The following LPP variants were observed in gnomAD, a reference collection of about 807,000 sequenced individuals.
LPP encodes the protein LIM domain containing preferred translocation partner in lipoma.
A neutral mutation model predicts 60.4 loss-of-function variants in LPP; 38 were observed. The observed-to-expected ratio is 0.63, with a 90% CI of 0.49 to 0.83. LPP has a LOEUF of 0.83. Ranked by LOEUF, LPP falls within the 40% of genes least tolerant of loss-of-function variation. The probability of loss-of-function intolerance (pLI) is 0.00; values close to 1 mark genes in which losing one functional copy is unlikely to be tolerated. For missense variants in LPP, 902 were observed against 783.6 expected (o/e 1.15, Z -1.80); for synonymous variants, 328 against 290.8 (o/e 1.13, Z -1.30).
At chr3:188,317,422 A>G (rs1755405694) in intron 2 of LPP, among the ~76,000 whole-genome samples, 1 of 152,154 alleles carries the variant, frequency 6.6e-6, no homozygotes, top group Non-Finnish European at 1.5e-5. Context: ...AGCAGTGCCA[A>G]AAATTTTCGT....
At chr3:188,554,024 C>T (rs1033504057) in intron 6 of LPP, 7 of 152,254 alleles carry the variant, frequency 4.6e-5, no homozygotes, top group African/African-American at 1.7e-4. Context: ...AAGGTCATCT[C>T]TATTGCTTAT....
In LPP at chr3:188,836,008, G is replaced by A. The variant is rs183679499; in HGVS notation, c.1411-30192G>A. 1.8e-4 allele frequency among the ~76,000 whole-genome samples: 27 copies of A among 152,304 alleles called. No homozygotes were observed. In the East Asian group the frequency reaches 5.2e-3, roughly 29 times the overall value. ...AGATCTTGTGAATACCTGTCAGCCA[G>A]GATTTAGAACAAATGCATTTGGGCA... On this transcript the variant is annotated intron_variant, in intron 9 of 11. Transcript: ENST00000617246.
In LPP at chr3:188,368,717, CACAGAGAG is replaced by C. The variant is rs778486649; in HGVS notation, c.-10+27000_-10+27007del. 7.8e-3 allele frequency among the ~76,000 whole-genome samples: 818 copies of C among 105,548 alleles called. 4 individuals carry two copies. The highest frequency in any genetic ancestry group is 9.7e-3 in the Non-Finnish European group (452 of 46,632). The allele number at this position is 105,548 out of a possible 152,430, so 69.2% of individuals were successfully genotyped here. On this transcript the variant is annotated intron_variant, in intron 3 of 11. Coordinates refer to ENST00000617246, the MANE Select transcript of LPP (RefSeq NM_001375462.1). ...ACACACACACACACACACACACACA[CACAGAGAG>C]AGAGAGAGAGAGAGAGAGAGAGAAC...
chr3:188,667,205 G>A (rs976203976), intron 7 of LPP, among the ~76,000 whole-genome samples: 9 of 152,140 alleles, frequency 5.9e-5, no homozygotes, highest in Non-Finnish European at 1.2e-4. Flanking sequence ...TTGGCTGGGC[G>A]CAATGGCTCA....
chr3:188,721,425 A>G (rs1158537424), intron 8 of LPP, among the ~76,000 whole-genome samples: 1 of 152,102 alleles, frequency 6.6e-6, no homozygotes, highest in Non-Finnish European at 1.5e-5. Flanking sequence ...ATAGTGATGC[A>G]CATCTGTGGT....
chr3:188,441,609 C>CTTTTCTTTTTTT (rs1793896698), intron 4 of LPP, among the ~76,000 whole-genome samples: 1 of 55,648 alleles, frequency 1.8e-5, no homozygotes. Context: ...CTTTTCTTTT[C>CTTTTCTTTTTTT]TTTTTTTTTT....
At chr3:188,203,404 TTATAAATATATATATAATATAAA>T (rs1731728626) in intron 1 of LPP, among the ~76,000 whole-genome samples, 1 of 59,094 alleles carries the variant, frequency 1.7e-5, no homozygotes. Context: ...ATATATATTT[TTATAAATATATATATAATATAAA>T]TATAAATATA....
At chr3:188,802,521 G>A (rs973995673) in intron 9 of LPP, among the ~76,000 whole-genome samples, 1 of 152,150 alleles carries the variant, frequency 6.6e-6, no homozygotes, top group Non-Finnish European at 1.5e-5. Flanking sequence ...GGTGGCTCAC[G>A]CCTGTAATCC....
rs6791096 is a variant in LPP at position 188,876,443 on chromosome 3, G to A, written c.*1964G>A. Reference sequence around the variant, plus strand: ...TACCCTAGTTCTCTTATCTTTGATCGTATATTTCTCATAATGTGAAATATG... The same window carrying A: ...TACCCTAGTTCTCTTATCTTTGATCATATATTTCTCATAATGTGAAATATG... On this transcript the variant is annotated 3_prime_UTR_variant, in exon 12 of 12. Coordinates refer to ENST00000617246, the MANE Select transcript of LPP (RefSeq NM_001375462.1). The A allele has an allele frequency of 6.1e-3, 1,176 of 194,138 alleles. 17 individuals are homozygous for A. The highest frequency in any genetic ancestry group is 0.026 in the African/African-American group (1,111 of 43,196). The allele number at this position is 194,138 out of a possible 1,614,324, so 12.0% of individuals were successfully genotyped here. A position where few individuals can be genotyped will look rare whatever the true frequency, so the allele number is the denominator to read the frequency against.
chr3:188,862,716 AAAATAAATAAATAAATAAATAAAAG>A lies in LPP; in HGVS notation c.1411-3480_1411-3456del, dbSNP rs1388386364. On this transcript the variant is annotated intron_variant, in intron 9 of 11. Transcript: ENST00000617246. Reference sequence around the variant, plus strand: ...AATGCTGGCAACCCTACTAGACAAAAAAATAAATAAATAAATAAATAAAAGAAAAAAGAAAAGAAAGAAAGAAAAA... The same window carrying A: ...AATGCTGGCAACCCTACTAGACAAAAAAAAAAGAAAAGAAAGAAAGAAAAA... Among the ~76,000 whole-genome samples the A allele has an allele frequency of 1.6e-4, 17 of 104,842 alleles. 1 individual carries two copies. The highest frequency in any genetic ancestry group is 1.1e-3 in the East Asian group (2 of 1,870). 68.8% of individuals were successfully genotyped at this position (104,842 alleles called of 152,430 possible).
At chr3:188,203,441 TTA>T (rs1344290838) in intron 1 of LPP, among the ~76,000 whole-genome samples, 27 of 88,126 alleles carry the variant, frequency 3.1e-4, no homozygotes, top group African/African-American at 1.3e-3. Context: ...AAATATATAT[TTA>T]TATAAATATA....
chr3:188,293,825 G>A (rs1746863326), intron 2 of LPP, among the ~76,000 whole-genome samples: 1 of 152,046 alleles, frequency 6.6e-6, no homozygotes, highest in South Asian at 2.1e-4. Flanking sequence ...AGCACTTTGG[G>A]AGACCGAGGT....
chr3:188,562,636 G>A (rs927875571), intron 6 of LPP, among the ~76,000 whole-genome samples: 2 of 151,878 alleles, frequency 1.3e-5, no homozygotes, highest in Admixed American at 6.6e-5. Context: ...GAAATGTAAC[G>A]TGCGGCACTT....
chr3:188,841,922 C>G (rs528314176), intron 9 of LPP, among the ~76,000 whole-genome samples: 1 of 152,110 alleles, frequency 6.6e-6, no homozygotes, highest in Non-Finnish European at 1.5e-5. Flanking sequence ...TGAAGTTACC[C>G]ACCAGCTTAA....
In LPP at chr3:188,889,452, A is replaced by C. The variant is rs572083495; in HGVS notation, c.*14973A>C. ...AACCAGCTGGCAGATTACACTTGCC[A>C]AGTCGTTCCCTTTCCTTCTAAGTCA... is the stretch of plus-strand genomic sequence containing the variant. On this transcript the variant is annotated 3_prime_UTR_variant, in exon 12 of 12. Coordinates refer to ENST00000617246, the MANE Select transcript of LPP (RefSeq NM_001375462.1). The C allele has an allele frequency of 4.3e-6, 1 of 231,584 alleles. No homozygotes were observed. Among genetic ancestry groups the C allele is most frequent in the Non-Finnish European group, 8.5e-6 (1 of 116,970 alleles). 14.3% of individuals were successfully genotyped at this position (231,584 alleles called of 1,614,324 possible). A position where few individuals can be genotyped will look rare whatever the true frequency, so the allele number is the denominator to read the frequency against.
intron 4 of LPP, among the ~76,000 whole-genome samples, chr3:188,459,709 T>C (rs1254661494): frequency 1.3e-5 from 2 of 152,196 alleles, no homozygotes; most frequent in Admixed American, 6.5e-5. Context: ...TGGGGACTCA[T>C]ACTCAGAGAA....
intron 2 of LPP, among the ~76,000 whole-genome samples, chr3:188,269,546 A>G (rs1452648910): frequency 6.6e-6 from 1 of 152,226 alleles, no homozygotes. Context: ...TAGCTTGTTA[A>G]AAGTTTGGAA....
Position 188,882,156 on chromosome 3 carries a change from T to C in LPP, c.*7677T>C, listed in dbSNP as rs1770107161. 1 of 212,328 alleles carries C rather than the reference T, an allele frequency of 4.7e-6. No individual in the cohort carries two copies. The allele number at this position is 212,328 out of a possible 1,614,324, so 13.2% of individuals were successfully genotyped here. On this transcript the variant is annotated 3_prime_UTR_variant, in exon 12 of 12. Coordinates refer to ENST00000617246, the MANE Select transcript of LPP (RefSeq NM_001375462.1). The stretch of plus-strand genomic sequence containing the variant: ...TTACTCAATAGGAAGGAATGTGACA[T>C]CAGGAAGAGTCATTCCAGTGACATT...
chr3:188,810,922 G>A (rs775461097), intron 9 of LPP, among the ~76,000 whole-genome samples: 3 of 151,854 alleles, frequency 2.0e-5, no homozygotes, highest in African/African-American at 4.8e-5. Flanking sequence ...TCTATTAGTA[G>A]ACATTTGAAT....
Sources: allele counts gnomAD v4.1 joint callset (sites outside exome capture counted in the v4.1 genomes callset), GRCh38; gene constraint gnomAD v4.1.1; transcripts MANE v1.5; gene names NCBI Gene and HGNC (gene_info 2026-07-23, HGNC 2026-07-21).